RNF7: variants seen among roughly 807,000 people sequenced by gnomAD.
RNF7 encodes RING-box protein 2.
RNF7 carries 9 observed loss-of-function variants against 17.0 expected under a neutral mutation model. The observed-to-expected ratio is 0.53, with a 90% CI of 0.32 to 0.92. RNF7 has a LOEUF of 0.92. Ranked by LOEUF, RNF7 falls within the 40% of genes least tolerant of loss-of-function variation. The pLI, the probability that RNF7 is intolerant of heterozygous loss-of-function variation, is 0.04. For synonymous variants in RNF7, 59 were observed against 50.5 expected, an observed-to-expected ratio of 1.17 and a Z score of -0.72; for missense variants, 87 against 145.8, an observed-to-expected ratio of 0.60 and a Z score of 2.08.
At chr3:141,745,128 T>G in intron 2 of RNF7, 31 bp from the exon 3 acceptor site, 1 of 1,390,692 alleles carries the variant, frequency 7.2e-7, no homozygotes, top group Admixed American at 1.8e-5. Context: ...TTGAAATATG[T>G]AATGTCAACT....
chr3:141,742,967 A>G (rs1374638943), intron 1 of RNF7: 2 of 923,852 alleles, frequency 2.2e-6, no homozygotes, highest in East Asian at 1.1e-4. Context: ...TTAATTTTTT[A>G]TAAGTTATAT....
chr3:141,741,099 T>C (rs912977157), intron 1 of RNF7, among the ~76,000 whole-genome samples: 1 of 152,226 alleles, frequency 6.6e-6, no homozygotes, highest in African/African-American at 2.4e-5. Context: ...CTGTATCACC[T>C]TGGATATTTC....
rs1330289702 is a variant in RNF7 at position 141,746,503 on chromosome 3, A to G, written c.*1226A>G. On this transcript the variant is annotated 3_prime_UTR_variant, in exon 3 of 3. Coordinates refer to ENST00000273480, the MANE Select transcript of RNF7 (RefSeq NM_014245.5). ...TATTCATTTGCTCTTTCATTTGACA[A>G]TAATAAAATTTAAGGTTTATTACCT... is the stretch of plus-strand genomic sequence containing the variant. 2 of 152,236 alleles carry G rather than the reference A, an allele frequency of 1.3e-5. No homozygotes were observed. The highest frequency in any genetic ancestry group is 1.5e-5 in the Non-Finnish European group (1 of 68,032). The allele number at this position is 152,236 out of a possible 1,614,324, so 9.4% of individuals were successfully genotyped here. A position where few individuals can be genotyped will look rare whatever the true frequency, so the allele number is the denominator to read the frequency against.
intron 1 of RNF7, 101 bp downstream of exon 1, chr3:141,738,617 C>T: frequency 7.8e-7 from 1 of 1,278,076 alleles, no homozygotes; most frequent in South Asian, 1.6e-5. Context: ...GGAAAGTGCC[C>T]TGCCTGGGAG....
rs779401417 is a variant in RNF7 at position 141,738,336 on chromosome 3, G to A, written c.-6G>A. On this transcript the variant is annotated 5_prime_UTR_variant, in exon 1 of 3. Transcript: ENST00000273480. ...ACGTCTCCGCCGTCGGCTCCGCGGCGCCGCCATGGCCGACGTGGAAGACGG... is the reference window on the plus strand; with the variant it reads ...ACGTCTCCGCCGTCGGCTCCGCGGCACCGCCATGGCCGACGTGGAAGACGG... 1.8e-5 allele frequency: 28 copies of A among 1,556,262 alleles called. No individual in the cohort carries two copies. The highest frequency in any genetic ancestry group is 2.3e-5 in the Non-Finnish European group (27 of 1,150,058).
At position 141,747,328 on chromosome 3, in the gene RNF7, G is replaced by A. The variant is rs1196015798; in HGVS notation, c.*2051G>A. 6.6e-6 allele frequency: 1 copy of A among 152,188 alleles called. No homozygotes were observed. The highest frequency in any genetic ancestry group is 1.5e-5 in the Non-Finnish European group (1 of 68,032). The allele number at this position is 152,188 out of a possible 1,614,324, so 9.4% of individuals were successfully genotyped here. ...AATACAAAAGTTAAGCATCAAACAG[G>A]TTTTTCTTTCCATTTGATTAAATGT... is the stretch of plus-strand genomic sequence containing the variant. On this transcript the variant is annotated 3_prime_UTR_variant, in exon 3 of 3. Coordinates refer to ENST00000273480, the MANE Select transcript of RNF7 (RefSeq NM_014245.5).
At position 141,746,412 on chromosome 3, in the gene RNF7, CATT is replaced by C. The variant is rs1459295936; in HGVS notation, c.*1138_*1140del. The C allele has an allele frequency of 5.9e-5, 9 of 152,294 alleles. No individual in the cohort carries two copies. The highest frequency in any genetic ancestry group is 1.2e-4 in the African/African-American group (5 of 41,550). The allele number at this position is 152,294 out of a possible 1,614,324, so 9.4% of individuals were successfully genotyped here. A position where few individuals can be genotyped will look rare whatever the true frequency, so the allele number is the denominator to read the frequency against. On this transcript the variant is annotated 3_prime_UTR_variant, in exon 3 of 3. Transcript: ENST00000273480. ...ATTCTGCTTACCTTATTTGAATTGT[CATT>C]ATAATTTTATATGCAACCTTAATTT...
chr3:141,741,700 A>C (rs1439607346), intron 1 of RNF7, among the ~76,000 whole-genome samples: 4 of 152,164 alleles, frequency 2.6e-5, no homozygotes, highest in Non-Finnish European at 5.9e-5. Flanking sequence ...TTCCAGATTG[A>C]ATTTTGAAAA....
At chr3:141,742,961 T>A (rs911354200) in intron 1 of RNF7, 51 of 968,352 alleles carry the variant, frequency 5.3e-5, no homozygotes, top group Non-Finnish European at 6.3e-5. Flanking sequence ...TTTAATTTAA[T>A]TTTTTATAAG....
chr3:141,743,621 A>G, intron 2 of RNF7, 65 bp downstream of exon 2: 1 of 1,170,260 alleles, frequency 8.5e-7, no homozygotes, highest in South Asian at 1.3e-5. Context: ...GGATGTTTGA[A>G]TTTGAAATTA....
chr3:141,742,459 C>G (rs1315429184), intron 1 of RNF7, among the ~76,000 whole-genome samples: 1 of 151,942 alleles, frequency 6.6e-6, no homozygotes, highest in African/African-American at 2.4e-5. Flanking sequence ...ATCTCCTGAC[C>G]TCGTGATCCG....
chr3:141,738,311 A>ACGTCTCCGCCGT lies in RNF7; in HGVS notation c.-28_-17dup. 1 of 1,520,792 alleles carries ACGTCTCCGCCGT rather than the reference A, an allele frequency of 6.6e-7. No individual in the cohort carries two copies. Among genetic ancestry groups the ACGTCTCCGCCGT allele is most frequent in the Non-Finnish European group, 8.8e-7 (1 of 1,130,512 alleles). The allele number at this position is 1,520,792 out of a possible 1,614,324, so 94.2% of individuals were successfully genotyped here. A position where few individuals can be genotyped will look rare whatever the true frequency, so the allele number is the denominator to read the frequency against. On this transcript the variant is annotated 5_prime_UTR_variant, in exon 1 of 3. Coordinates refer to ENST00000273480, the MANE Select transcript of RNF7 (RefSeq NM_014245.5). ...CTAGCCTTCCGCCTTCCCCAAGCCA[A>ACGTCTCCGCCGT]CGTCTCCGCCGTCGGCTCCGCGGCG...
Position 141,746,585 on chromosome 3 carries a change from A to G in RNF7, c.*1308A>G, listed in dbSNP as rs1437605473. ...TATCAAACTGATTCACACTGAGGGG[A>G]GGTTATTTTGTAACAAATAATGGAC... On this transcript the variant is annotated 3_prime_UTR_variant, in exon 3 of 3. Coordinates refer to ENST00000273480, the MANE Select transcript of RNF7 (RefSeq NM_014245.5). The G allele has an allele frequency of 6.6e-6, 1 of 152,186 alleles. No homozygotes were observed. Among genetic ancestry groups the G allele is most frequent in the African/African-American group, 2.4e-5 (1 of 41,446 alleles). 9.4% of individuals were successfully genotyped at this position (152,186 alleles called of 1,614,324 possible).
At position 141,747,174 on chromosome 3, in the gene RNF7, A is replaced by G. The variant is rs1459419323; in HGVS notation, c.*1897A>G. 2 of 152,296 alleles carry G rather than the reference A, an allele frequency of 1.3e-5. No homozygotes were observed. Among genetic ancestry groups the G allele is most frequent in the Non-Finnish European group, 2.9e-5 (2 of 68,062 alleles). 9.4% of individuals were successfully genotyped at this position (152,296 alleles called of 1,614,324 possible). On this transcript the variant is annotated 3_prime_UTR_variant, in exon 3 of 3. Coordinates refer to ENST00000273480, the MANE Select transcript of RNF7 (RefSeq NM_014245.5). Reference sequence around the variant, plus strand: ...ATGCCACACACCAGCATCTGAGGGAAGAGGAGGCACTGTGACAAAGCAGCG... The same window carrying G: ...ATGCCACACACCAGCATCTGAGGGAGGAGGAGGCACTGTGACAAAGCAGCG...
intron 1 of RNF7, 147 bp downstream of exon 1, chr3:141,738,663 A>G: frequency 1.1e-6 from 1 of 884,054 alleles, no homozygotes; most frequent in Non-Finnish European, 1.6e-6. Context: ...GCGCCGGAGG[A>G]ACGCGGAGCC....
chr3:141,742,540 T>C, intron 1 of RNF7: 1 of 998,478 alleles, frequency 1.0e-6, no homozygotes, highest in African/African-American at 1.7e-5. Context: ...CCTTAGTGTT[T>C]AGGGATATCT....
rs775709198 is a variant in RNF7, at chr3:141,738,521, G to T, written c.175+5G>T. The T allele has an allele frequency of 3.7e-6, 6 of 1,607,566 alleles. No individual in the cohort carries two copies. The highest frequency in any genetic ancestry group is 3.4e-4 in the Middle Eastern group (2 of 5,920). The stretch of plus-strand genomic sequence containing the variant: ...TCTGCAGGGTCCAGGTGATGGGTAA[G>T]CGCTGCACGCGAGTCCAGGGCCGCC... On this transcript the variant is annotated splice_donor_5th_base_variant and intron_variant, in intron 1 of 2. Transcript: ENST00000273480.
chr3:141,738,657 C>G lies in RNF7; in HGVS notation c.175+141C>G, dbSNP rs1048835611. 5 of 870,318 alleles carry G rather than the reference C, an allele frequency of 5.7e-6. No individual in the cohort carries two copies. In the African/African-American group the frequency reaches 8.8e-5, roughly 15 times the overall value. 53.9% of individuals were successfully genotyped at this position (870,318 alleles called of 1,614,324 possible). ...GGTGGAGGTCGCCCTGCCCCGGCGC[C>G]GGAGGAACGCGGAGCCACGCTCCTG... On this transcript the variant is annotated intron_variant, in intron 1 of 2. Transcript: ENST00000273480.
intron 2 of RNF7, among the ~76,000 whole-genome samples, chr3:141,744,376 T>G (rs1476056638): frequency 6.6e-6 from 1 of 152,198 alleles, no homozygotes; most frequent in Non-Finnish European, 1.5e-5. Context: ...TTTCTCTGCC[T>G]TATTTCTTTC....
Sources: allele counts gnomAD v4.1 joint callset (sites outside exome capture counted in the v4.1 genomes callset), GRCh38; gene constraint gnomAD v4.1.1; transcripts MANE v1.5; gene names NCBI Gene and HGNC (gene_info 2026-07-23, HGNC 2026-07-21).